Variants in MCM9 observed in about 807,000 individuals in gnomAD.
The protein encoded by MCM9 is minichromosome maintenance 9 homologous recombination repair factor.
MCM9 carries 55 observed loss-of-function variants against 72.8 expected under a neutral mutation model. That is an observed-to-expected ratio of 0.76 (90% confidence interval 0.61 to 0.95). The LOEUF (loss-of-function observed/expected upper bound fraction) is 0.95. MCM9 is among the 40% of genes least tolerant of loss of function. The pLI, the probability that MCM9 is intolerant of heterozygous loss-of-function variation, is 0.00. For missense variants in MCM9, 1,279 were observed against 1,377.0 expected (o/e 0.93, Z 1.13); for synonymous variants, 480 against 503.4 (o/e 0.95, Z 0.62).
intron 8 of MCM9, among the ~76,000 whole-genome samples, chr6:118,892,421 G>C (rs905146623): frequency 6.6e-6 from 1 of 152,196 alleles, no homozygotes; most frequent in Non-Finnish European, 1.5e-5. Flanking sequence ...AACACTTACG[G>C]TCAGACTGCA....
chr6:118,896,071 G>A, intron 8 of MCM9, among the ~76,000 whole-genome samples: 1 of 146,562 alleles, frequency 6.8e-6, no homozygotes. Flanking sequence ...CCTATATAGA[G>A]CATAAATGCA....
chr6:118,877,611 C>T (rs1040586297), intron 8 of MCM9, among the ~76,000 whole-genome samples: 1 of 152,150 alleles, frequency 6.6e-6, no homozygotes, highest in African/African-American at 2.4e-5. Flanking sequence ...ATAACGGATA[C>T]AACTATTTTG....
chr6:118,825,559 A>T (rs1774113404), intron 13 of MCM9, among the ~76,000 whole-genome samples: 1 of 152,198 alleles, frequency 6.6e-6, no homozygotes, highest in Non-Finnish European at 1.5e-5. Context: ...TAAGCCATTC[A>T]CACTGATCAT....
At chr6:118,867,662 G>A (rs1777301299) in intron 8 of MCM9, among the ~76,000 whole-genome samples, 1 of 152,092 alleles carries the variant, frequency 6.6e-6, no homozygotes, top group Non-Finnish European at 1.5e-5. Flanking sequence ...AAGAGCAAAA[G>A]AGTATACCAT....
rs910140757 is a variant in MCM9 at position 118,843,279 on chromosome 6, T to G, written c.1325+13092A>C. On this transcript the variant is annotated intron_variant, in intron 9 of 13. Coordinates refer to ENST00000619706, the MANE Select transcript of MCM9 (RefSeq NM_017696.3). ...AGTTAAATGAGACACTTAAGTGTGC[T>G]TATTTTCAAAAAAAGAACTAACTCT... is the stretch of plus-strand genomic sequence containing the variant. Among the ~76,000 whole-genome samples the G allele has an allele frequency of 3.9e-5, 6 of 151,972 alleles. No individual in the cohort carries two copies. The East Asian group carries it at 7.7e-4, about 20-fold the overall frequency.
intron 9 of MCM9, among the ~76,000 whole-genome samples, chr6:118,846,914 C>T (rs1775908204): frequency 6.6e-6 from 1 of 151,646 alleles, no homozygotes; most frequent in Non-Finnish European, 1.5e-5. Context: ...AATAAAAATA[C>T]TTCCGTTGAT....
At chr6:118,855,475 T>C (rs36197273) in intron 9 of MCM9, among the ~76,000 whole-genome samples, 20,395 of 152,068 alleles carry the variant, frequency 0.13, 1,534 homozygotes, top group Non-Finnish European at 0.17. Context: ...GGTCTAATAG[T>C]TCTTTCTTGT....
chr6:118,841,389 C>A (rs139845679), intron 9 of MCM9, among the ~76,000 whole-genome samples: 2 of 152,154 alleles, frequency 1.3e-5, no homozygotes, highest in Admixed American at 6.5e-5. Flanking sequence ...TCTGGCCCCC[C>A]CTTAACCAGA....
In MCM9 at chr6:118,828,137, G is replaced by C. The variant is rs772472098; in HGVS notation, c.1529-7C>G. Reference sequence around the variant, plus strand: ...TCTGATTTGCTTGGGTAACCTGTATGTATCAGGTGTTGGGTCAGTAAGTTC... The same window carrying C: ...TCTGATTTGCTTGGGTAACCTGTATCTATCAGGTGTTGGGTCAGTAAGTTC... On this transcript the variant is annotated splice_polypyrimidine_tract_variant and splice_region_variant and intron_variant, in intron 10 of 13. Transcript: ENST00000619706. 43 of 1,546,670 alleles carry C rather than the reference G, an allele frequency of 2.8e-5. No individual in the cohort carries two copies. Among genetic ancestry groups the C allele is most frequent in the African/African-American group, 1.4e-5 (1 of 72,888 alleles).
chr6:118,865,683 G>A (rs1263272378), intron 8 of MCM9, among the ~76,000 whole-genome samples: 1 of 152,112 alleles, frequency 6.6e-6, no homozygotes, highest in Non-Finnish European at 1.5e-5. Flanking sequence ...CCTTTCCTTT[G>A]GCTTACCCCT....
chr6:118,835,218 T>G (rs1319596288), intron 9 of MCM9, among the ~76,000 whole-genome samples: 1 of 152,234 alleles, frequency 6.6e-6, no homozygotes, highest in East Asian at 1.9e-4. Flanking sequence ...ATATCTGTTT[T>G]TGGTACCAGT....
At position 118,818,780 on chromosome 6, in the gene MCM9, T is replaced by C. The variant is rs532581115; in HGVS notation, c.1962-2486A>G. Among the ~76,000 whole-genome samples the C allele has an allele frequency of 1.1e-4, 17 of 152,348 alleles. No individual in the cohort carries two copies. The South Asian group carries it at 3.3e-3, about 30-fold the overall frequency. On this transcript the variant is annotated intron_variant, in intron 13 of 13. Transcript: ENST00000619706. ...CATGAGCATGGAATGTTTTTCCATT[T>C]GTTTGTATCCTCTCTTATTTCCTTG...
intron 8 of MCM9, chr6:118,900,667 A>C: frequency 1.2e-6 from 1 of 831,058 alleles, no homozygotes; most frequent in Non-Finnish European, 2.1e-6. Context: ...GCCAATTTTA[A>C]AGCCAGTAAG....
chr6:118,879,323 G>C (rs970761715), intron 8 of MCM9, among the ~76,000 whole-genome samples: 3 of 150,700 alleles, frequency 2.0e-5, no homozygotes, highest in African/African-American at 4.9e-5. Flanking sequence ...GGCACAAATA[G>C]GTTAAAAGTG....
At chr6:118,876,281 A>T (rs1477838431) in intron 8 of MCM9, among the ~76,000 whole-genome samples, 3 of 152,196 alleles carry the variant, frequency 2.0e-5, no homozygotes, top group Admixed American at 6.6e-5. Context: ...GGGCAGTAAA[A>T]CTATTTTGTA....
At chr6:118,881,598 C>T (rs1778292281) in intron 8 of MCM9, among the ~76,000 whole-genome samples, 1 of 152,198 alleles carries the variant, frequency 6.6e-6, no homozygotes, top group African/African-American at 2.4e-5. Context: ...GGAATAATGA[C>T]TGCACTTAGA....
At chr6:118,839,328 C>T (rs147531464) in intron 9 of MCM9, among the ~76,000 whole-genome samples, 27,923 of 151,828 alleles carry the variant, frequency 0.18, 3,299 homozygotes, top group East Asian at 0.38. Flanking sequence ...ATACCTCTAA[C>T]CTTTTTTCAA....
At chr6:118,907,616 C>G (rs928988254) in intron 8 of MCM9, 15 of 1,602,150 alleles carry the variant, frequency 9.4e-6, no homozygotes, top group Non-Finnish European at 1.3e-5. Flanking sequence ...TGCATGTGAC[C>G]ACCTACCATC....
At chr6:118,831,340 CAA>C (rs869238859) in intron 9 of MCM9, among the ~76,000 whole-genome samples, 84 of 71,384 alleles carry the variant, frequency 1.2e-3, no homozygotes, top group South Asian at 9.5e-3. Flanking sequence ...GAGACCATCT[CAA>C]AAAAAAAAAA....
Sources: allele counts gnomAD v4.1 joint callset (sites outside exome capture counted in the v4.1 genomes callset), GRCh38; gene constraint gnomAD v4.1.1; transcripts MANE v1.5; gene names NCBI Gene and HGNC (gene_info 2026-07-23, HGNC 2026-07-21).